ARHGEF18: variants seen among roughly 807,000 people sequenced by gnomAD.
ARHGEF18 encodes rho guanine nucleotide exchange factor 18.
ARHGEF18 carries 93 observed loss-of-function variants against 155.7 expected under a neutral mutation model. The ratio of observed to expected loss-of-function variants is 0.60; its 90% CI spans 0.50 to 0.71. The LOEUF is 0.71. ARHGEF18 is among the 30% of genes least tolerant of loss of function. The pLI is 0.00. For missense variants in ARHGEF18, 1,593 were observed against 1,816.1 expected (o/e 0.88, Z 2.23); for synonymous variants, 742 against 753.1 (o/e 0.99, Z 0.24).
intron 10 of ARHGEF18, among the ~76,000 whole-genome samples, chr19:7,416,978 C>T (rs916738629): frequency 5.3e-5 from 8 of 150,060 alleles, no homozygotes; most frequent in Admixed American, 1.3e-4. Context: ...GGCACCATCT[C>T]GGCTCACTGC....
At chr19:7,456,256 C>T (rs921729528) in intron 17 of ARHGEF18, 71 bp from the exon 18 acceptor site, 58 of 1,416,232 alleles carry the variant, frequency 4.1e-5, no homozygotes, top group African/African-American at 3.0e-4. Context: ...AAGTGGCATC[C>T]GCGGGGGTGG....
intron 10 of ARHGEF18, among the ~76,000 whole-genome samples, chr19:7,439,400 G>C (rs972000992): frequency 6.6e-6 from 1 of 152,024 alleles, no homozygotes; most frequent in Non-Finnish European, 1.5e-5. Context: ...GCTGCAGTGA[G>C]CTATGGTCGG....
At chr19:7,371,710 A>G (rs111787029) in intron 2 of ARHGEF18, among the ~76,000 whole-genome samples, 3,364 of 151,640 alleles carry the variant, frequency 0.022, 132 homozygotes, top group African/African-American at 0.075. Context: ...AATCCCAGCT[A>G]CTCAGGAGGC....
chr19:7,354,250 G>A (rs568328839), intron 1 of ARHGEF18, among the ~76,000 whole-genome samples: 72 of 152,310 alleles, frequency 4.7e-4, no homozygotes, highest in African/African-American at 1.6e-3. Context: ...CAACGGGTTC[G>A]AGGCTGCAGT....
In ARHGEF18 at chr19:7,349,083, G is replaced by C. The variant is rs1969097942; in HGVS notation, c.-269G>C. On this transcript the variant is annotated 5_prime_UTR_variant, in exon 1 of 29. Coordinates refer to ENST00000668164, the MANE Select transcript of ARHGEF18 (RefSeq NM_001367823.1). ...ATGCAGGCAGGCAGTTGAGAAAGAG[G>C]AAGTCGAGGTGCTATTGGGTCATTC... 1 of 152,376 alleles carries C rather than the reference G, an allele frequency of 6.6e-6. No homozygotes were observed. The highest frequency in any genetic ancestry group is 6.5e-5 in the Admixed American group (1 of 15,288). The allele number at this position is 152,376 out of a possible 1,614,324, so 9.4% of individuals were successfully genotyped here.
intron 1 of ARHGEF18, 73 bp downstream of exon 1, chr19:7,349,314 T>A (rs908462633): frequency 2.0e-5 from 3 of 152,398 alleles, no homozygotes; most frequent in African/African-American, 7.2e-5. Flanking sequence ...CTGGGAAGTC[T>A]AGGGGGACAG....
At chr19:7,420,813 C>T (rs1010233222) in intron 10 of ARHGEF18, among the ~76,000 whole-genome samples, 1 of 152,186 alleles carries the variant, frequency 6.6e-6, no homozygotes, top group Non-Finnish European at 1.5e-5. Context: ...GAGTCACACC[C>T]GTCGTGGAGA....
intron 3 of ARHGEF18, among the ~76,000 whole-genome samples, chr19:7,374,027 T>C (rs1970326625): frequency 6.6e-6 from 1 of 151,964 alleles, no homozygotes; most frequent in Admixed American, 6.6e-5. Flanking sequence ...TCCCAAGTGC[T>C]GACATGACAG....
At chr19:7,367,866 A>AT (rs1207543438) in intron 2 of ARHGEF18, among the ~76,000 whole-genome samples, 1 of 106,142 alleles carries the variant, frequency 9.4e-6, no homozygotes, top group African/African-American at 4.9e-5. Flanking sequence ...ACACATATAT[A>AT]TTTTTATATA....
chr19:7,413,592 C>T (rs541506844), intron 10 of ARHGEF18, among the ~76,000 whole-genome samples: 3 of 120,318 alleles, frequency 2.5e-5, no homozygotes, highest in Non-Finnish European at 3.9e-5. Context: ...TGAGCCACTG[C>T]GCCCGGCAAA....
intron 16 of ARHGEF18, among the ~76,000 whole-genome samples, chr19:7,451,713 G>C (rs1975487859): frequency 6.6e-6 from 1 of 151,764 alleles, no homozygotes; most frequent in Non-Finnish European, 1.5e-5. Flanking sequence ...ATCACATCTG[G>C]CCTGGGTTTT....
intron 10 of ARHGEF18, among the ~76,000 whole-genome samples, chr19:7,429,733 G>C (rs982717561): frequency 6.6e-6 from 1 of 152,180 alleles, no homozygotes; most frequent in African/African-American, 2.4e-5. Flanking sequence ...GGCACAGAGA[G>C]AGGGCCCACA....
chr19:7,441,815 C>T, intron 12 of ARHGEF18, 50 bp downstream of exon 12: 1 of 1,612,660 alleles, frequency 6.2e-7, no homozygotes, highest in South Asian at 1.1e-5. Flanking sequence ...CCTGTCTCTC[C>T]TGGGAAGAGC....
chr19:7,404,786 C>T (rs1972213147), intron 10 of ARHGEF18, among the ~76,000 whole-genome samples: 1 of 152,014 alleles, frequency 6.6e-6, no homozygotes, highest in Admixed American at 6.6e-5. Context: ...ATGGTTGGGC[C>T]TGAAGACAGG....
At chr19:7,434,450 C>T (rs1352658111) in intron 10 of ARHGEF18, among the ~76,000 whole-genome samples, 1 of 152,210 alleles carries the variant, frequency 6.6e-6, no homozygotes, top group Non-Finnish European at 1.5e-5. Flanking sequence ...TCCATCCATC[C>T]TCCAGGTCCC....
chr19:7,433,254 G>A (rs1360673594), intron 10 of ARHGEF18, among the ~76,000 whole-genome samples: 1 of 151,824 alleles, frequency 6.6e-6, no homozygotes, highest in Non-Finnish European at 1.5e-5. Context: ...ATCACCTGAG[G>A]TCAGGAGTTT....
intron 15 of ARHGEF18, among the ~76,000 whole-genome samples, chr19:7,450,782 T>C: frequency 1.5e-5 from 2 of 135,344 alleles, no homozygotes; most frequent in East Asian, 2.4e-4. Context: ...ACGGTGTTAA[T>C]GCGGGATCTT....
intron 1 of ARHGEF18, among the ~76,000 whole-genome samples, chr19:7,349,454 C>T (rs1408314153): frequency 3.3e-5 from 5 of 151,922 alleles, no homozygotes; most frequent in Admixed American, 6.6e-5. Context: ...CCCCAGGGGA[C>T]GGGGATCCTT....
At chr19:7,360,376 T>C (rs1969495939) in intron 1 of ARHGEF18, among the ~76,000 whole-genome samples, 1 of 152,044 alleles carries the variant, frequency 6.6e-6, no homozygotes. Context: ...GCTGGAATTA[T>C]AAGCACATGC....
Sources: allele counts gnomAD v4.1 joint callset (sites outside exome capture counted in the v4.1 genomes callset), GRCh38; gene constraint gnomAD v4.1.1; transcripts MANE v1.5; gene names NCBI Gene and HGNC (gene_info 2026-07-23, HGNC 2026-07-21).